ACE: variants seen among roughly 807,000 people sequenced by gnomAD.
The protein encoded by ACE is angiotensin I converting enzyme.
In ACE, 122 loss-of-function variants were observed where a neutral mutation model predicts 162.3. The observed-to-expected ratio is 0.75, with a 90% CI of 0.65 to 0.87. The LOEUF (loss-of-function observed/expected upper bound fraction) is 0.87. ACE is among the 40% of genes least tolerant of loss of function. The probability of loss-of-function intolerance (pLI) is 0.00; values close to 1 mark genes in which losing one functional copy is unlikely to be tolerated. For missense variants in ACE, 1,799 were observed against 1,735.1 expected (o/e 1.04, Z -0.65); for synonymous variants, 796 against 720.6 (o/e 1.10, Z -1.68).
chr17:63,479,129 G>A (rs780862333), intron 3 of ACE, 29 bp downstream of exon 3: 11 of 1,565,404 alleles, frequency 7.0e-6, no homozygotes, highest in South Asian at 2.3e-5. Context: ...CCCTCTCGGC[G>A]GTGCCCTAGT....
At chr17:63,483,433 TA>T in intron 9 of ACE, 26 bp from the exon 10 acceptor site, 1 of 1,597,080 alleles carries the variant, frequency 6.3e-7, no homozygotes, top group Non-Finnish European at 8.6e-7. Flanking sequence ...CTCTAGGCCC[TA>T]AGACAATTTA....
rs886053219 is a variant in ACE at position 63,477,258 on chromosome 17, C to T, written c.164C>T (p.Ser55Phe). 2.0e-6 allele frequency: 3 copies of T among 1,501,760 alleles called. No individual in the cohort carries two copies. The highest frequency in any genetic ancestry group is 2.8e-5 in the East Asian group (1 of 35,422). The allele number at this position is 1,501,760 out of a possible 1,614,324, so 93.0% of individuals were successfully genotyped here. The change falls in exon 1 of 25, where the codon TCC (serine) becomes TTC (phenylalanine). Residue 55 changes from serine (S) to phenylalanine (F), a missense_variant. Transcript: ENST00000290866. ...CAGCTCTTCGCGCAGAGCTACAACTCCAGCGCCGAACAGGTGCTGTTCCAG... is the reference window on the plus strand; with the variant it reads ...CAGCTCTTCGCGCAGAGCTACAACTTCAGCGCCGAACAGGTGCTGTTCCAG... ...GAQLFAQSYN[S>F]SAEQVLFQSV... is the part of the protein sequence containing the mutation.
Position 63,496,970 on chromosome 17 carries a change from T to C in ACE, c.3676T>C (p.Trp1226Arg). 6.2e-7 allele frequency: 1 copy of C among 1,611,728 alleles called. No individual in the cohort carries two copies. Among genetic ancestry groups the C allele is most frequent in the Non-Finnish European group, 8.5e-7 (1 of 1,179,632 alleles). ...GAAGCTGGGCTGGCCGCAGTACAACTGGACGCCGAACTCCGGTACCGCCAC... is the reference window on the plus strand; with the variant it reads ...GAAGCTGGGCTGGCCGCAGTACAACCGGACGCCGAACTCCGGTACCGCCAC... ...GEKLGWPQYN[W>R]TPNSARSEGP... The change falls in exon 24 of 25, where the codon TGG becomes CGG. Residue 1226 changes from tryptophan (W) to arginine (R), a missense_variant. By Grantham distance (101) the Trp-to-Arg change is moderately radical. Transcript: ENST00000290866.
intron 15 of ACE, among the ~76,000 whole-genome samples, chr17:63,487,874 G>A (rs959003377): frequency 8.5e-5 from 13 of 152,198 alleles, no homozygotes; most frequent in Non-Finnish European, 1.5e-4. Flanking sequence ...AAAATAAACA[G>A]GAGAAACGGT....
Position 63,488,632 on chromosome 17 carries a change from T to C in ACE, c.2306-16T>C. The C allele has an allele frequency of 6.2e-7, 1 of 1,612,776 alleles. No homozygotes were observed. The highest frequency in any genetic ancestry group is 8.5e-7 in the Non-Finnish European group (1 of 1,179,762). ...GAGCTAAGGGCTGGAGCTCAAGGCA[T>C]TCAAACCCCTACCAGATCTGACGAA... On this transcript the variant is annotated splice_polypyrimidine_tract_variant and intron_variant, in intron 15 of 24. Coordinates refer to ENST00000290866, the MANE Select transcript of ACE (RefSeq NM_000789.4).
At chr17:63,496,102 A>T (rs1209256450) in intron 22 of ACE, 1 of 465,842 alleles carries the variant, frequency 2.1e-6, no homozygotes, top group Non-Finnish European at 4.0e-6. Flanking sequence ...CACCTGCCAG[A>T]TCTCTGAAGG....
Position 63,496,453 on chromosome 17 carries a change from G to T in ACE, c.3440G>T (p.Gly1147Val). Residue 1147 changes from glycine (G) to valine (V), a missense_variant, in exon 23 of 25, where the codon GGC (glycine) becomes GTC (valine). By Grantham distance (109) the Gly-to-Val change is moderately radical (BLOSUM62 -3). Coordinates refer to ENST00000290866, the MANE Select transcript of ACE (RefSeq NM_000789.4). Reference protein sequence around the residue: ...QFHEALCQAAGHTGPLHKCDI... With the variant: ...QFHEALCQAAVHTGPLHKCDI... ...CACGAGGCACTGTGCCAGGCAGCTG[G>T]CCACACGGGCCCCCTGCACAAGTGT... 6.2e-7 allele frequency: 1 copy of T among 1,614,204 alleles called. No individual in the cohort carries two copies. Among genetic ancestry groups the T allele is most frequent in the African/African-American group, 1.3e-5 (1 of 75,070 alleles).
rs924953167 is a variant in ACE, at chr17:63,497,545, G to C, written c.*179G>C. ...CCAGCCGCCCCAGCCCCTTCTCCCA[G>C]CACACGGCTGCCTGACACTGAGCCC... On this transcript the variant is annotated 3_prime_UTR_variant, in exon 25 of 25. Coordinates refer to ENST00000290866, the MANE Select transcript of ACE (RefSeq NM_000789.4). The C allele has an allele frequency of 2.8e-6, 2 of 709,792 alleles. No individual in the cohort carries two copies. Among genetic ancestry groups the C allele is most frequent in the Non-Finnish European group, 5.1e-6 (2 of 392,732 alleles). 44.0% of individuals were successfully genotyped at this position (709,792 alleles called of 1,614,324 possible). A position where few individuals can be genotyped will look rare whatever the true frequency, so the allele number is the denominator to read the frequency against.
Position 63,497,451 on chromosome 17 carries a change from C to A in ACE, c.*85C>A. On this transcript the variant is annotated 3_prime_UTR_variant, in exon 25 of 25. Coordinates refer to ENST00000290866, the MANE Select transcript of ACE (RefSeq NM_000789.4). ...ACTGGTGGGCAGCTGAGGACACACCCCACACCCCAGCCCACCCTGCTCCTC... is the reference window on the plus strand; with the variant it reads ...ACTGGTGGGCAGCTGAGGACACACCACACACCCCAGCCCACCCTGCTCCTC... The A allele has an allele frequency of 2.4e-6, 3 of 1,258,596 alleles. No individual in the cohort carries two copies. The highest frequency in any genetic ancestry group is 3.4e-6 in the Non-Finnish European group (3 of 891,012). The allele number at this position is 1,258,596 out of a possible 1,614,324, so 78.0% of individuals were successfully genotyped here.
Position 63,493,642 on chromosome 17 carries a change from G to C in ACE, c.3119G>C (p.Ser1040Thr), listed in dbSNP as rs749362077. Residue 1040 changes from serine to threonine, a missense_variant, in exon 20 of 25, where the codon AGT (serine) becomes ACT (threonine). Physicochemically the swap from Ser to Thr is moderately conservative, Grantham distance 58 (BLOSUM62 1). Coordinates refer to ENST00000290866, the MANE Select transcript of ACE (RefSeq NM_000789.4). Reference sequence around the variant, plus strand: ...CTGCACAGTCTCAACCTGCTGAGCAGTGAGGGTGGCAGCGACGGTGAGAGA... The same window carrying C: ...CTGCACAGTCTCAACCTGCTGAGCACTGAGGGTGGCAGCGACGGTGAGAGA... The part of the protein sequence containing the change: ...KHLHSLNLLS[S>T]EGGSDEHDIN... 8 of 1,614,162 alleles carry C rather than the reference G, an allele frequency of 5.0e-6. No individual in the cohort carries two copies. The South Asian group carries it at 7.7e-5, about 16-fold the overall frequency.
At chr17:63,485,428 T>C in intron 13 of ACE, 56 bp downstream of exon 13, 1 of 1,606,736 alleles carries the variant, frequency 6.2e-7, no homozygotes, top group Non-Finnish European at 8.5e-7. Context: ...ACAGAGATGC[T>C]GTCCCGCTCA....
chr17:63,483,567 G>GCGGGCCCCCCCCC lies in ACE; in HGVS notation c.1586+10_1586+11insGGGCCCCCCCCCC. The GCGGGCCCCCCCCC allele has an allele frequency of 1.3e-6, 2 of 1,589,572 alleles. No homozygotes were observed. The highest frequency in any genetic ancestry group is 1.7e-6 in the Non-Finnish European group (2 of 1,165,680). ...GTGACACCATACATCAGGTATTAGC[G>GCGGGCCCCCCCCC]CCCCCACCCCACCCACCCCCAGTAC... On this transcript the variant is annotated intron_variant, in intron 10 of 24. Coordinates refer to ENST00000290866, the MANE Select transcript of ACE (RefSeq NM_000789.4).
rs778331848 is a variant in ACE, at chr17:63,493,606, C to T, written c.3083C>T (p.Thr1028Met). ...IGDVLALSVSTPKHLHSLNLL... is the reference protein window; with the variant it reads ...IGDVLALSVSMPKHLHSLNLL... ...GACGTGCTAGCCCTCTCAGTGTCTACGCCCAAGCACCTGCACAGTCTCAAC... is the reference window on the plus strand; with the variant it reads ...GACGTGCTAGCCCTCTCAGTGTCTATGCCCAAGCACCTGCACAGTCTCAAC... The change falls in exon 20 of 25, where the codon ACG becomes ATG. Residue 1028 changes from threonine (T) to methionine (M), a missense_variant. Coordinates refer to ENST00000290866, the MANE Select transcript of ACE (RefSeq NM_000789.4). 16 of 1,613,984 alleles carry T rather than the reference C, an allele frequency of 9.9e-6. No individual in the cohort carries two copies. The highest frequency in any genetic ancestry group is 5.0e-5 in the Admixed American group (3 of 60,000).
intron 8 of ACE, 122 bp from the exon 9 acceptor site, chr17:63,482,907 C>T (rs2049735280): frequency 8.3e-7 from 1 of 1,208,164 alleles, no homozygotes; most frequent in Non-Finnish European, 1.2e-6. Context: ...GTCTCGAGGG[C>T]CAGCCATACC....
At chr17:63,480,102 G>A (rs1040417289) in intron 4 of ACE, among the ~76,000 whole-genome samples, 190 bp downstream of exon 4, 4 of 152,182 alleles carry the variant, frequency 2.6e-5, no homozygotes, top group South Asian at 2.1e-4. Flanking sequence ...CCTGCCCCAC[G>A]TGGCCATCCT....
intron 1 of ACE, 129 bp downstream of exon 1, chr17:63,477,472 C>T: frequency 4.1e-6 from 3 of 728,088 alleles, no homozygotes; most frequent in Non-Finnish European, 5.2e-6. Flanking sequence ...ACCCTCGCCC[C>T]GACAGTCAGC....
chr17:63,487,261 C>T (rs1474740060), intron 15 of ACE, among the ~76,000 whole-genome samples, 188 bp downstream of exon 15: 2 of 152,144 alleles, frequency 1.3e-5, no homozygotes, highest in Non-Finnish European at 2.9e-5. Flanking sequence ...CTACTTCATA[C>T]CATGCCCCGA....
At position 63,493,466 on chromosome 17, in the gene ACE, G is replaced by C. The variant is rs868230881; in HGVS notation, c.2943G>C (p.Glu981Asp). ...RIKQCTTVNL[E>D]DLVVAHHEMG... is the part of the protein sequence containing the mutation. ...AGCAGTGCACCACCGTGAACTTGGA[G>C]GACCTGGTGGTGGCCCACCACGAAA... The change falls in exon 20 of 25, where the codon GAG (glutamate) becomes GAC (aspartate). Residue 981 changes from glutamate to aspartate, a missense_variant. Glu to Asp is a conservative substitution (Grantham distance 45, BLOSUM62 2). Coordinates refer to ENST00000290866, the MANE Select transcript of ACE (RefSeq NM_000789.4). 2.0e-5 allele frequency: 32 copies of C among 1,614,120 alleles called. 3 individuals are homozygous for C. The Middle Eastern group carries it at 5.0e-3, about 250-fold the overall frequency.
intron 17 of ACE, chr17:63,489,775 CAG>C (rs1035253860): frequency 6.3e-6 from 1 of 158,122 alleles, no homozygotes; most frequent in African/African-American, 2.4e-5. Context: ...AGAGACCAGA[CAG>C]GCCCTCAGAC....
Sources: allele counts gnomAD v4.1 joint callset (sites outside exome capture counted in the v4.1 genomes callset), GRCh38; gene constraint gnomAD v4.1.1; transcripts MANE v1.5; gene names NCBI Gene and HGNC (gene_info 2026-07-23, HGNC 2026-07-21).